The following AGBL4 variants were observed in gnomAD, a reference collection of about 807,000 sequenced individuals.
The protein encoded by AGBL4 is cytosolic carboxypeptidase 6.
Under a neutral mutation model 66.4 loss-of-function variants are expected in AGBL4, and 58 were observed. That is an observed-to-expected ratio of 0.87 (90% CI 0.71 to 1.09). The LOEUF (loss-of-function observed/expected upper bound fraction) is 1.09, where lower values mean the gene tolerates loss of function less well. AGBL4 is among the 50% of genes least tolerant of loss of function. The probability of loss-of-function intolerance (pLI) is 0.00; values close to 1 mark genes in which losing one functional copy is unlikely to be tolerated. For synonymous variants in AGBL4, 234 were observed against 222.9 expected (o/e 1.05, Z -0.44); for missense variants, 579 against 631.0 (o/e 0.92, Z 0.88).
intron 5 of AGBL4, among the ~76,000 whole-genome samples, chr1:48,888,854 A>C (rs1242340610): frequency 6.6e-6 from 1 of 152,182 alleles, no homozygotes; most frequent in African/African-American, 2.4e-5. Context: ...GCATCGAATA[A>C]ATATCTATGA....
intron 8 of AGBL4, among the ~76,000 whole-genome samples, chr1:48,644,934 G>C (rs949822979): frequency 6.6e-6 from 1 of 152,186 alleles, no homozygotes; most frequent in African/African-American, 2.4e-5. Flanking sequence ...CTCCCTAGCT[G>C]CTAATTCTGG....
chr1:49,720,866 A>C (rs1648548980), intron 2 of AGBL4, among the ~76,000 whole-genome samples: 2 of 152,184 alleles, frequency 1.3e-5, no homozygotes, highest in South Asian at 4.1e-4. Flanking sequence ...AGTTAACAGA[A>C]GTGACAAGTT....
chr1:48,896,992 A>C (rs1441581185), intron 5 of AGBL4, among the ~76,000 whole-genome samples: 1 of 152,228 alleles, frequency 6.6e-6, no homozygotes, highest in Admixed American at 6.5e-5. Flanking sequence ...TATCCCTAGT[A>C]CAACTTTTAC....
intron 3 of AGBL4, among the ~76,000 whole-genome samples, chr1:49,432,457 C>T (rs921539642): frequency 2.0e-5 from 3 of 152,140 alleles, no homozygotes; most frequent in Admixed American, 6.6e-5. Flanking sequence ...AACAGCCCAA[C>T]CCTCAGTTTG....
At chr1:49,778,982 A>AT (rs1644268737) in intron 2 of AGBL4, among the ~76,000 whole-genome samples, 1 of 152,216 alleles carries the variant, frequency 6.6e-6, no homozygotes, top group South Asian at 2.1e-4. Context: ...AGATGCTGCC[A>AT]GCATGGAAAA....
intron 4 of AGBL4, among the ~76,000 whole-genome samples, chr1:49,229,951 T>C (rs966476998): frequency 6.6e-6 from 1 of 152,022 alleles, no homozygotes; most frequent in Non-Finnish European, 1.5e-5. Context: ...TCTACTCAAT[T>C]ACACCAAAAG....
chr1:48,620,437 C>T (rs1489478819), intron 9 of AGBL4, among the ~76,000 whole-genome samples: 1 of 151,880 alleles, frequency 6.6e-6, no homozygotes, highest in Admixed American at 6.6e-5. Context: ...CCATCATGCT[C>T]GGCTTTTAAA....
At chr1:49,449,972 G>A (rs1360002785) in intron 3 of AGBL4, among the ~76,000 whole-genome samples, 4 of 151,890 alleles carry the variant, frequency 2.6e-5, no homozygotes, top group African/African-American at 9.7e-5. Context: ...TTGACTATAG[G>A]CAATGCCACA....
intron 4 of AGBL4, among the ~76,000 whole-genome samples, chr1:49,214,613 T>C (rs750982989): frequency 6.6e-6 from 1 of 152,120 alleles, no homozygotes; most frequent in African/African-American, 2.4e-5. Flanking sequence ...GTCAAGTTGC[T>C]TGTGGTACAG....
Position 49,099,049 on chromosome 1 carries a change from T to C in AGBL4, c.378-53249A>G, listed in dbSNP as rs1181095877. ...CAGAGGAAGGCGAATGGGAAAGCAGTATGACTTAGAGCTATGTGCTATTCC... is the reference window on the plus strand; with the variant it reads ...CAGAGGAAGGCGAATGGGAAAGCAGCATGACTTAGAGCTATGTGCTATTCC... On this transcript the variant is annotated intron_variant, in intron 4 of 13. Coordinates refer to ENST00000371839, the MANE Select transcript of AGBL4 (RefSeq NM_032785.4). 2.6e-5 allele frequency among the ~76,000 whole-genome samples: 4 copies of C among 152,276 alleles called. No individual in the cohort carries two copies. In the East Asian group the frequency reaches 7.8e-4, roughly 30 times the overall value.
At chr1:49,463,428 T>C (rs527608939) in intron 3 of AGBL4, among the ~76,000 whole-genome samples, 10 of 151,766 alleles carry the variant, frequency 6.6e-5, no homozygotes, top group Admixed American at 5.3e-4. Flanking sequence ...AATAGAAAAA[T>C]GTAAAGCACT....
At chr1:49,550,185 G>A (rs1652839792) in intron 3 of AGBL4, among the ~76,000 whole-genome samples, 1 of 152,132 alleles carries the variant, frequency 6.6e-6, no homozygotes. Flanking sequence ...TGTTAGGTGA[G>A]TCTCTTGAAG....
At chr1:48,617,679 T>C (rs1376683080) in intron 9 of AGBL4, among the ~76,000 whole-genome samples, 4 of 152,152 alleles carry the variant, frequency 2.6e-5, no homozygotes, top group Non-Finnish European at 5.9e-5. Flanking sequence ...GGGCTGGCCG[T>C]TGTTTCTCAG....
chr1:49,822,231 A>G (rs952514686), intron 2 of AGBL4, among the ~76,000 whole-genome samples: 1 of 152,076 alleles, frequency 6.6e-6, no homozygotes, highest in Non-Finnish European at 1.5e-5. Context: ...TTAAAGGTAT[A>G]TTTCCATCCG....
intron 3 of AGBL4, among the ~76,000 whole-genome samples, chr1:49,322,577 A>T (rs1645150528): frequency 6.6e-6 from 1 of 152,210 alleles, no homozygotes; most frequent in South Asian, 2.1e-4. Context: ...CCAATGTGTC[A>T]TTATAAAAAA....
chr1:49,081,517 T>G (rs1395275326), intron 4 of AGBL4, among the ~76,000 whole-genome samples: 1 of 152,232 alleles, frequency 6.6e-6, no homozygotes, highest in Admixed American at 6.5e-5. Context: ...TAATGTCTGT[T>G]CATTTTTATT....
At chr1:48,759,020 T>G (rs1414444755) in intron 6 of AGBL4, 2 of 1,613,912 alleles carry the variant, frequency 1.2e-6, no homozygotes, top group Non-Finnish European at 1.7e-6. Flanking sequence ...ACCAGCTGCC[T>G]CCGAGTCCGC....
intron 1 of AGBL4, among the ~76,000 whole-genome samples, chr1:49,960,731 G>A (rs563520536): frequency 6.6e-5 from 10 of 152,114 alleles, no homozygotes; most frequent in African/African-American, 2.4e-4. Flanking sequence ...AAAATTTTAA[G>A]TTGGTATTAT....
intron 5 of AGBL4, among the ~76,000 whole-genome samples, chr1:49,039,032 T>A (rs1263234437): frequency 1.3e-5 from 2 of 152,076 alleles, no homozygotes; most frequent in African/African-American, 4.8e-5. Flanking sequence ...TGAGCTATCA[T>A]GTCATGAAAA....
Sources: allele counts gnomAD v4.1 joint callset (sites outside exome capture counted in the v4.1 genomes callset), GRCh38; gene constraint gnomAD v4.1.1; transcripts MANE v1.5; gene names NCBI Gene and HGNC (gene_info 2026-07-23, HGNC 2026-07-21).